The following CNTN5 variants were observed in gnomAD, a reference collection of about 807,000 sequenced individuals.
CNTN5 encodes the protein contactin 5, also known as contactin-5.
CNTN5 carries 77 observed loss-of-function variants against 129.1 expected under a neutral mutation model. The observed-to-expected ratio is 0.60, with a 90% CI of 0.50 to 0.72. The LOEUF (loss-of-function observed/expected upper bound fraction) is 0.72, where lower values mean the gene tolerates loss of function less well. CNTN5 is among the 30% of genes least tolerant of loss of function. The probability of loss-of-function intolerance (pLI) is 0.00; values close to 1 mark genes in which losing one functional copy is unlikely to be tolerated. For missense variants in CNTN5, 1,478 were observed against 1,328.8 expected (o/e 1.11, Z -1.75); for synonymous variants, 509 against 465.6 (o/e 1.09, Z -1.20).
intron 3 of CNTN5, among the ~76,000 whole-genome samples, chr11:99,589,671 A>G (rs767677608): frequency 6.6e-6 from 1 of 152,226 alleles, no homozygotes; most frequent in Non-Finnish European, 1.5e-5. Flanking sequence ...AAGAAAAGAT[A>G]TATGAGTAGA....
intron 24 of CNTN5, among the ~76,000 whole-genome samples, chr11:100,354,832 A>G (rs1952487671): frequency 6.6e-6 from 1 of 151,680 alleles, no homozygotes. Context: ...GTATCTGAAC[A>G]TAGAAAAATT....
chr11:99,824,646 T>TA (rs966533918), intron 4 of CNTN5, among the ~76,000 whole-genome samples: 9 of 151,674 alleles, frequency 5.9e-5, no homozygotes, highest in Admixed American at 1.3e-4. Flanking sequence ...TTTCATGTCC[T>TA]AAAAAAAACC....
At chr11:99,487,623 GT>G (rs1235045042) in intron 2 of CNTN5, among the ~76,000 whole-genome samples, 1 of 152,126 alleles carries the variant, frequency 6.6e-6, no homozygotes, top group African/African-American at 2.4e-5. Context: ...TCATTTCAGT[GT>G]GCCTAATACA....
At chr11:99,877,653 G>T (rs1948668683) in intron 6 of CNTN5, among the ~76,000 whole-genome samples, 1 of 151,450 alleles carries the variant, frequency 6.6e-6, no homozygotes, top group African/African-American at 2.4e-5. Flanking sequence ...ATGTAGAAAG[G>T]GTAATTTTAA....
At chr11:99,339,609 C>T (rs1475815293) in intron 2 of CNTN5, among the ~76,000 whole-genome samples, 1 of 151,960 alleles carries the variant, frequency 6.6e-6, no homozygotes, top group African/African-American at 2.4e-5. Flanking sequence ...GAAACCCCGT[C>T]TCTACTAAAA....
At chr11:99,205,525 T>C (rs1859436541) in intron 1 of CNTN5, among the ~76,000 whole-genome samples, 1 of 152,224 alleles carries the variant, frequency 6.6e-6, no homozygotes, top group African/African-American at 2.4e-5. Flanking sequence ...AGAAAATGTT[T>C]GTTGGACAAA....
At chr11:99,254,955 G>C (rs532081316) in intron 1 of CNTN5, among the ~76,000 whole-genome samples, 24 of 151,992 alleles carry the variant, frequency 1.6e-4, no homozygotes, top group Middle Eastern at 3.4e-3. Context: ...CCTTTGACTA[G>C]TATACTATTT....
chr11:99,463,234 CG>C (rs1426884553), intron 2 of CNTN5, among the ~76,000 whole-genome samples: 2 of 150,752 alleles, frequency 1.3e-5, no homozygotes, highest in Non-Finnish European at 3.0e-5. Context: ...GTCAGGAGAT[CG>C]AGACCATCCT....
chr11:99,470,696 G>A (rs1382315022), intron 2 of CNTN5, among the ~76,000 whole-genome samples: 1 of 151,982 alleles, frequency 6.6e-6, no homozygotes, highest in Non-Finnish European at 1.5e-5. Context: ...TACAAAAAAG[G>A]AAATGTTCCA....
intron 1 of CNTN5, among the ~76,000 whole-genome samples, chr11:99,136,454 A>G (rs4282949): frequency 0.15 from 22,952 of 152,118 alleles, 2,144 homozygotes; most frequent in East Asian, 0.41. Context: ...CACCAATTCC[A>G]TTAATCACTA....
chr11:99,058,776 G>A (rs1460470762), intron 1 of CNTN5, among the ~76,000 whole-genome samples: 4 of 151,658 alleles, frequency 2.6e-5, no homozygotes, highest in Non-Finnish European at 4.4e-5. Flanking sequence ...GGTCATCTGA[G>A]CAGGAGGCGA....
At chr11:99,675,819 C>T (rs956888207) in intron 3 of CNTN5, among the ~76,000 whole-genome samples, 5 of 152,148 alleles carry the variant, frequency 3.3e-5, no homozygotes, top group Non-Finnish European at 7.3e-5. Context: ...TAAATTGTGA[C>T]TCTGTCAACA....
chr11:99,484,522 C>G (rs984083411), intron 2 of CNTN5, among the ~76,000 whole-genome samples: 1 of 152,120 alleles, frequency 6.6e-6, no homozygotes, highest in African/African-American at 2.4e-5. Flanking sequence ...AGCAATGCCA[C>G]TACTGGGTAT....
intron 6 of CNTN5, among the ~76,000 whole-genome samples, chr11:99,902,895 C>T (rs543365271): frequency 1.9e-4 from 29 of 152,144 alleles, no homozygotes; most frequent in Admixed American, 1.8e-3. Flanking sequence ...AGCAGATTTG[C>T]TTTAAGGCAA....
At chr11:100,253,020 T>G (rs527340762) in intron 16 of CNTN5, among the ~76,000 whole-genome samples, 3 of 152,286 alleles carry the variant, frequency 2.0e-5, no homozygotes, top group Non-Finnish European at 4.4e-5. Context: ...AATGGCAGAA[T>G]GGCTTGCATG....
chr11:99,688,529 G>A (rs907950705), intron 3 of CNTN5, among the ~76,000 whole-genome samples: 9 of 152,258 alleles, frequency 5.9e-5, no homozygotes, highest in South Asian at 2.1e-4. Context: ...GGAGTCAATC[G>A]TGTAAACTAC....
At chr11:99,184,748 T>G (rs1181143183) in intron 1 of CNTN5, among the ~76,000 whole-genome samples, 3 of 152,052 alleles carry the variant, frequency 2.0e-5, no homozygotes, top group Non-Finnish European at 4.4e-5. Flanking sequence ...GATTTTTTTG[T>G]GTGTGTAATG....
chr11:99,288,141 T>C (rs190849676), intron 1 of CNTN5, among the ~76,000 whole-genome samples: 12 of 152,104 alleles, frequency 7.9e-5, no homozygotes, highest in African/African-American at 2.6e-4. Flanking sequence ...AAAATGTGTA[T>C]AAGCAAATGA....
At chr11:100,290,261 A>T (rs1428381577) in intron 18 of CNTN5, among the ~76,000 whole-genome samples, 1 of 152,110 alleles carries the variant, frequency 6.6e-6, no homozygotes, top group Non-Finnish European at 1.5e-5. Context: ...AACTACTTTC[A>T]AGTTCATATG....
Sources: gnomAD v4.1 joint callset for allele counts (sites outside exome capture counted in the v4.1 genomes callset) on GRCh38, gnomAD v4.1.1 for gene constraint, MANE v1.5 for transcripts, NCBI Gene and HGNC (gene_info 2026-07-23, HGNC 2026-07-21) for gene names.